The following PLD5 variants were observed in gnomAD, a reference collection of about 807,000 sequenced individuals.
PLD5 encodes the protein inactive phospholipase D5.
A neutral mutation model predicts 61.1 loss-of-function variants in PLD5; 36 were observed. The ratio of observed to expected loss-of-function variants is 0.59; its 90% CI spans 0.45 to 0.78. PLD5 has a LOEUF of 0.78. PLD5 is among the 30% of genes least tolerant of loss of function. The probability of loss-of-function intolerance (pLI) is 0.00; values close to 1 mark genes in which losing one functional copy is unlikely to be tolerated. For missense variants in PLD5, 515 were observed against 644.4 expected, an observed-to-expected ratio of 0.80 and a Z score of 2.17; for synonymous variants, 243 against 242.8, an observed-to-expected ratio of 1.00 and a Z score of -0.01.
chr1:242,159,831 T>G (rs1398400161), intron 5 of PLD5, among the ~76,000 whole-genome samples: 3 of 152,176 alleles, frequency 2.0e-5, no homozygotes, highest in Admixed American at 6.5e-5. Flanking sequence ...TGGAGATGGC[T>G]TTTATAGAAA....
chr1:242,230,837 G>T (rs143015033), intron 4 of PLD5, among the ~76,000 whole-genome samples: 1 of 152,234 alleles, frequency 6.6e-6, no homozygotes, highest in African/African-American at 2.4e-5. Flanking sequence ...TTAGTCTACA[G>T]GTTTGGACCT....
chr1:242,467,773 T>TG (rs2102945169), intron 1 of PLD5, among the ~76,000 whole-genome samples: 2 of 152,298 alleles, frequency 1.3e-5, no homozygotes, highest in South Asian at 4.1e-4. Context: ...TACTGAACGA[T>TG]GGTTCCCAAG....
intron 6 of PLD5, among the ~76,000 whole-genome samples, chr1:242,120,084 T>C (rs1662247537): frequency 2.0e-5 from 3 of 152,124 alleles, no homozygotes; most frequent in Admixed American, 6.6e-5. Flanking sequence ...AAAAACTACA[T>C]AGTATATGAT....
At chr1:242,140,750 T>TC (rs941972981) in intron 5 of PLD5, among the ~76,000 whole-genome samples, 122 of 152,334 alleles carry the variant, frequency 8.0e-4, no homozygotes, top group African/African-American at 2.9e-3. Context: ...AAATTTTTTT[T>TC]TTTTCAGAGA....
intron 2 of PLD5, among the ~76,000 whole-genome samples, chr1:242,314,865 T>C (rs553773389): frequency 6.6e-6 from 1 of 152,244 alleles, no homozygotes; most frequent in South Asian, 2.1e-4. Flanking sequence ...TAGCCCCTAT[T>C]GTATGCCAAC....
At chr1:242,134,449 ACTTTC>A (rs1347027886) in intron 5 of PLD5, among the ~76,000 whole-genome samples, 1 of 152,000 alleles carries the variant, frequency 6.6e-6, no homozygotes, top group Admixed American at 6.6e-5. Context: ...ATCTCAGGCT[ACTTTC>A]CTTTACAGCC....
At chr1:242,437,266 C>T (rs1253190024) in intron 1 of PLD5, among the ~76,000 whole-genome samples, 1 of 152,136 alleles carries the variant, frequency 6.6e-6, no homozygotes, top group Non-Finnish European at 1.5e-5. Context: ...ATTGGCATGT[C>T]CCACACATGC....
At chr1:242,529,904 T>A in the PLD5 span, among the ~76,000 whole-genome samples, 3 of 151,376 alleles carry the variant, frequency 2.0e-5, no homozygotes, top group East Asian at 2.0e-4. Flanking sequence ...GTTTCACTCC[T>A]GTTACCCAGG....
chr1:242,114,173 T>G, intron 6 of PLD5, 147 bp from the exon 7 acceptor site: 1 of 874,990 alleles, frequency 1.1e-6, no homozygotes, highest in Non-Finnish European at 1.7e-6. Flanking sequence ...AAAGATATTT[T>G]CAATCTTATC....
chr1:242,433,196 A>G (rs1427347483), intron 1 of PLD5, among the ~76,000 whole-genome samples: 1 of 152,252 alleles, frequency 6.6e-6, no homozygotes. Flanking sequence ...ACAAGGCTCA[A>G]TAGAGGGTTT....
At chr1:242,380,697 A>G (rs1017254080) in intron 1 of PLD5, among the ~76,000 whole-genome samples, 1 of 152,152 alleles carries the variant, frequency 6.6e-6, no homozygotes, top group African/African-American at 2.4e-5. Context: ...TTAAATTTGC[A>G]AGAAAGAAGA....
intron 4 of PLD5, among the ~76,000 whole-genome samples, chr1:242,246,845 T>C (rs960261615): frequency 3.3e-5 from 5 of 152,186 alleles, no homozygotes; most frequent in Admixed American, 6.5e-5. Flanking sequence ...TTTGGTTTTA[T>C]ACATTTTAGG....
intron 5 of PLD5, among the ~76,000 whole-genome samples, chr1:242,213,271 C>T (rs1334124775): frequency 5.3e-5 from 8 of 152,160 alleles, no homozygotes; most frequent in Admixed American, 5.2e-4. Context: ...TCAAGGAATG[C>T]TAAACAGTCC....
chr1:242,137,042 A>G (rs535353662), intron 5 of PLD5, among the ~76,000 whole-genome samples: 88 of 152,224 alleles, frequency 5.8e-4, no homozygotes, highest in Non-Finnish European at 2.6e-4. Flanking sequence ...TAATGAGGAA[A>G]AAGAAGTCAG....
chr1:242,352,833 G>T (rs1660551963), intron 1 of PLD5, among the ~76,000 whole-genome samples: 1 of 152,114 alleles, frequency 6.6e-6, no homozygotes, highest in Non-Finnish European at 1.5e-5. Flanking sequence ...TTACCCATTT[G>T]TATGTCTTTA....
At chr1:242,242,824 G>T (rs572972786) in intron 4 of PLD5, among the ~76,000 whole-genome samples, 13 of 152,302 alleles carry the variant, frequency 8.5e-5, no homozygotes, top group African/African-American at 2.9e-4. Context: ...GAAAGTGAAA[G>T]AACTTTTGGT....
chr1:242,152,485 C>T (rs1247574036), intron 5 of PLD5, among the ~76,000 whole-genome samples: 1 of 152,102 alleles, frequency 6.6e-6, no homozygotes, highest in African/African-American at 2.4e-5. Context: ...AGGTATTTCT[C>T]CTAATGCTAT....
At chr1:242,163,799 TCAAAGAGCAGGATGAG>T (rs1423101830) in intron 5 of PLD5, among the ~76,000 whole-genome samples, 1 of 151,114 alleles carries the variant, frequency 6.6e-6, no homozygotes, top group Non-Finnish European at 1.5e-5. Flanking sequence ...GAGAAGATGA[TCAAAGAGCAGGATGAG>T]CAGGGAGAGA....
rs367963169 is a variant in PLD5 at position 242,138,709 on chromosome 1, C to T, written c.736-14044G>A. Among the ~76,000 whole-genome samples, 30 of 152,322 alleles carry T rather than the reference C, an allele frequency of 2.0e-4. No homozygotes were observed. The South Asian group carries it at 5.4e-3, about 27-fold the overall frequency. On this transcript the variant is annotated intron_variant, in intron 5 of 9. Transcript: ENST00000536534. ...GTCTGGAGAAAGGCCAATCTGCTCA[C>T]GTGGGGCTACATCCCATATCCTCCA...
Sources: gnomAD v4.1 joint callset for allele counts (sites outside exome capture counted in the v4.1 genomes callset) on GRCh38, gnomAD v4.1.1 for gene constraint, MANE v1.5 for transcripts, NCBI Gene and HGNC (gene_info 2026-07-23, HGNC 2026-07-21) for gene names.